The following UNC5D variants were observed in gnomAD, a reference collection of about 807,000 sequenced individuals.
The protein encoded by UNC5D is netrin receptor UNC5D.
A neutral mutation model predicts 105.4 loss-of-function variants in UNC5D; 39 were observed. The observed-to-expected ratio is 0.37, with a 90% CI of 0.29 to 0.48. The LOEUF is 0.48. Ranked by LOEUF, UNC5D falls within the 20% of genes least tolerant of loss-of-function variation. The probability of loss-of-function intolerance (pLI) is 0.98; values close to 1 mark genes in which losing one functional copy is unlikely to be tolerated. For synonymous variants in UNC5D, 452 were observed against 450.4 expected (o/e 1.00, Z -0.04); for missense variants, 991 against 1,202.4 (o/e 0.82, Z 2.60).
intron 1 of UNC5D, among the ~76,000 whole-genome samples, chr8:35,378,556 C>G (rs1472797919): frequency 6.6e-6 from 1 of 152,192 alleles, no homozygotes; most frequent in African/African-American, 2.4e-5. Context: ...TTTGATGTCT[C>G]CTGCCAGAGG....
chr8:35,310,977 C>T (rs1434424948), intron 1 of UNC5D, among the ~76,000 whole-genome samples: 1 of 152,150 alleles, frequency 6.6e-6, no homozygotes, highest in Non-Finnish European at 1.5e-5. Flanking sequence ...GGACTAGATA[C>T]AGTGTCCACC....
chr8:35,593,221 T>G (rs1287025663), intron 3 of UNC5D, among the ~76,000 whole-genome samples: 2 of 152,222 alleles, frequency 1.3e-5, no homozygotes, highest in Non-Finnish European at 2.9e-5. Context: ...TTAGTTAATG[T>G]AGTGGTGTGT....
At chr8:35,723,277 TGA>T (rs1828680236) in intron 9 of UNC5D, among the ~76,000 whole-genome samples, 2 of 152,142 alleles carry the variant, frequency 1.3e-5, no homozygotes, top group Non-Finnish European at 2.9e-5. Flanking sequence ...TGGAAAAAAT[TGA>T]GAGATGGCCA....
chr8:35,397,679 T>C (rs79968150), intron 1 of UNC5D, among the ~76,000 whole-genome samples: 3,592 of 152,242 alleles, frequency 0.024, 145 homozygotes, highest in African/African-American at 0.083. Context: ...ATGTTCTGAG[T>C]CTGTCTCATT....
chr8:35,264,979 A>C (rs1355234017), intron 1 of UNC5D, among the ~76,000 whole-genome samples: 6 of 152,200 alleles, frequency 3.9e-5, no homozygotes, highest in Non-Finnish European at 8.8e-5. Context: ...CAAGTAGTAC[A>C]TTGAAAACAG....
At chr8:35,785,254 T>C (rs1388945794) in intron 16 of UNC5D, among the ~76,000 whole-genome samples, 1 of 152,158 alleles carries the variant, frequency 6.6e-6, no homozygotes, top group Non-Finnish European at 1.5e-5. Flanking sequence ...GGAGATGAGA[T>C]GGATACATGG....
At chr8:35,240,565 T>C (rs752912473) in intron 1 of UNC5D, among the ~76,000 whole-genome samples, 7 of 152,168 alleles carry the variant, frequency 4.6e-5, no homozygotes, top group Admixed American at 2.6e-4. Flanking sequence ...ATTACCCCCA[T>C]TGGTAAGATA....
chr8:35,572,808 T>G (rs113257440), intron 3 of UNC5D, among the ~76,000 whole-genome samples: 6 of 149,610 alleles, frequency 4.0e-5, no homozygotes, highest in Admixed American at 6.6e-5. Flanking sequence ...ATATTTCTTT[T>G]TTTTTTTTTT....
rs1224555582 is a variant in UNC5D at position 35,512,491 on chromosome 8, T to G, written c.104-36801T>G. 8.6e-5 allele frequency among the ~76,000 whole-genome samples: 10 copies of G among 115,704 alleles called. 1 individual carries two copies. Among genetic ancestry groups the G allele is most frequent in the Non-Finnish European group, 1.4e-4 (8 of 56,740 alleles). The allele number at this position is 115,704 out of a possible 152,430, so 75.9% of individuals were successfully genotyped here. On this transcript the variant is annotated intron_variant, in intron 1 of 16. Transcript: ENST00000404895. ...ATATATATATATATATATATATATA[T>G]ATATATATATATATATATCTGCATA... is the stretch of plus-strand genomic sequence containing the variant.
chr8:35,459,703 A>G (rs2129640663), intron 1 of UNC5D, among the ~76,000 whole-genome samples: 1 of 152,328 alleles, frequency 6.6e-6, no homozygotes, highest in Non-Finnish European at 1.5e-5. Flanking sequence ...TTTTTAAATC[A>G]TACTTCATTA....
intron 11 of UNC5D, among the ~76,000 whole-genome samples, chr8:35,737,436 G>A (rs2131595548): frequency 6.6e-6 from 1 of 151,914 alleles, no homozygotes; most frequent in Middle Eastern, 3.4e-3. Context: ...GAGCAACTTT[G>A]GATTTCTTTC....
At chr8:35,537,880 T>C (rs574163494) in intron 1 of UNC5D, among the ~76,000 whole-genome samples, 1 of 152,192 alleles carries the variant, frequency 6.6e-6, no homozygotes, top group East Asian at 1.9e-4. Context: ...TTATTTTTAT[T>C]TTTTAAAAAA....
At chr8:35,787,382 T>C (rs780075655) in intron 16 of UNC5D, among the ~76,000 whole-genome samples, 1 of 152,186 alleles carries the variant, frequency 6.6e-6, no homozygotes, top group Non-Finnish European at 1.5e-5. Context: ...AACAAAAGAA[T>C]GTCCATGGTC....
chr8:35,636,179 T>A (rs1426669547), intron 4 of UNC5D, among the ~76,000 whole-genome samples: 5 of 152,222 alleles, frequency 3.3e-5, no homozygotes, highest in Non-Finnish European at 5.9e-5. Context: ...CATTCATTTG[T>A]ATAAATCAAT....
intron 4 of UNC5D, among the ~76,000 whole-genome samples, chr8:35,682,920 G>A (rs891182970): frequency 1.3e-5 from 2 of 152,156 alleles, no homozygotes; most frequent in Admixed American, 1.3e-4. Context: ...CCTAACCCAA[G>A]GCCTAAATGT....
At chr8:35,786,863 C>T (rs1440642230) in intron 16 of UNC5D, among the ~76,000 whole-genome samples, 1 of 152,074 alleles carries the variant, frequency 6.6e-6, no homozygotes, top group Non-Finnish European at 1.5e-5. Context: ...ATTTGGCCCA[C>T]CACCTGCTTG....
chr8:35,633,208 G>T (rs746096648), intron 4 of UNC5D, among the ~76,000 whole-genome samples: 11 of 152,182 alleles, frequency 7.2e-5, no homozygotes, highest in Non-Finnish European at 1.3e-4. Flanking sequence ...TGCGTAAAAG[G>T]TTGGTAACAC....
In UNC5D at chr8:35,371,375, C is replaced by T. The variant is rs185313200; in HGVS notation, c.103+135488C>T. Among the ~76,000 whole-genome samples, 310 of 152,196 alleles carry T rather than the reference C, an allele frequency of 2.0e-3. 5 individuals are homozygous for T. Among genetic ancestry groups the T allele is most frequent in the Middle Eastern group, 0.017 (5 of 294 alleles). On this transcript the variant is annotated intron_variant, in intron 1 of 16. Coordinates refer to ENST00000404895, the MANE Select transcript of UNC5D (RefSeq NM_080872.4). Reference sequence around the variant, plus strand: ...CAGTGTTCCTACTTCCAGGCCAAGACGACTTATAACAGTGCCTTCTCTTGC... The same window carrying T: ...CAGTGTTCCTACTTCCAGGCCAAGATGACTTATAACAGTGCCTTCTCTTGC...
At chr8:35,410,557 A>G (rs1805100531) in intron 1 of UNC5D, among the ~76,000 whole-genome samples, 1 of 152,108 alleles carries the variant, frequency 6.6e-6, no homozygotes, top group African/African-American at 2.4e-5. Context: ...AATAGAAAGA[A>G]TGCAAAGAAC....
Sources: allele counts gnomAD v4.1 joint callset (sites outside exome capture counted in the v4.1 genomes callset), GRCh38; gene constraint gnomAD v4.1.1; transcripts MANE v1.5; gene names NCBI Gene and HGNC (gene_info 2026-07-23, HGNC 2026-07-21).